Variants in C5 observed in about 807,000 individuals in gnomAD.
C5 encodes complement C5, also known as C3 and PZP-like alpha-2-macroglobulin domain-containing protein 4.
In C5, 140 loss-of-function variants were observed where a neutral mutation model predicts 218.8. The ratio of observed to expected loss-of-function variants is 0.64; its 90% CI spans 0.56 to 0.74. The LOEUF is 0.74. C5 is among the 30% of genes least tolerant of loss of function. The pLI is 0.00. For synonymous variants in C5, 614 were observed against 682.3 expected, an observed-to-expected ratio of 0.90 and a Z score of 1.56; for missense variants, 1,700 against 1,969.6, an observed-to-expected ratio of 0.86 and a Z score of 2.59.
intron 15 of C5, 40 bp downstream of exon 15, chr9:121,016,214 T>A: frequency 6.2e-7 from 1 of 1,612,678 alleles, no homozygotes; most frequent in Non-Finnish European, 8.5e-7. Flanking sequence ...GGGCAAATGA[T>A]CAATGGGATT....
At chr9:121,068,620 G>GA in the C5 span, among the ~76,000 whole-genome samples, 2 of 151,918 alleles carry the variant, frequency 1.3e-5, no homozygotes, top group Admixed American at 6.6e-5. Context: ...ACAGAAATAG[G>GA]AAAAAAATCT....
chr9:121,033,038 GTA>G (rs2047490765), intron 5 of C5, among the ~76,000 whole-genome samples: 1 of 150,964 alleles, frequency 6.6e-6, no homozygotes, highest in African/African-American at 2.4e-5. Flanking sequence ...GTGTGTGTGT[GTA>G]TGTATGTATA....
upstream of C5, among the ~76,000 whole-genome samples, chr9:121,052,181 G>C (rs142860253): frequency 1.4e-4 from 22 of 152,210 alleles, no homozygotes; most frequent in African/African-American, 5.1e-4. Context: ...TTGAGGCTGG[G>C]CACGCTGGCT....
upstream of C5, among the ~76,000 whole-genome samples, chr9:121,052,317 C>T (rs564769129): frequency 1.8e-4 from 27 of 151,916 alleles, no homozygotes; most frequent in African/African-American, 6.0e-4. Flanking sequence ...ATTAGCCAGG[C>T]GTGGTGGCGG....
intron 39 of C5, among the ~76,000 whole-genome samples, chr9:120,955,718 A>G (rs2046779499): frequency 1.3e-5 from 2 of 152,178 alleles, no homozygotes. Context: ...AAAAATTATC[A>G]AAGTGTTGAT....
intron 40 of C5, among the ~76,000 whole-genome samples, chr9:120,953,082 C>T (rs1323615340): frequency 6.6e-6 from 1 of 152,202 alleles, no homozygotes. Flanking sequence ...TGCCACCACG[C>T]CCGGCTATTT....
At chr9:120,993,059 TG>T (rs2047088569) in intron 22 of C5, among the ~76,000 whole-genome samples, 1 of 152,186 alleles carries the variant, frequency 6.6e-6, no homozygotes, top group African/African-American at 2.4e-5. Flanking sequence ...TATGAAGAAA[TG>T]CTTAAAATCA....
chr9:121,070,417 A>G, the C5 span, among the ~76,000 whole-genome samples: 235 of 128,534 alleles, frequency 1.8e-3, 2 homozygotes, highest in African/African-American at 6.7e-3. Flanking sequence ...ATATATATAT[A>G]TATATATATG....
the C5 span, among the ~76,000 whole-genome samples, chr9:121,070,234 C>T: frequency 4.6e-5 from 7 of 151,608 alleles, no homozygotes; most frequent in East Asian, 1.4e-3. Flanking sequence ...GCAGGCGCCT[C>T]TAATCCCAGC....
In C5 at chr9:120,952,816, T is replaced by C. The variant is rs1464412576; in HGVS notation, c.4954A>G (p.Thr1652Ala). ...LTWIEYWPRDTTCSSCQAFLA... is the reference protein window; with the variant it reads ...LTWIEYWPRDATCSSCQAFLA... The stretch of plus-strand genomic sequence containing the variant: ...AATGCTTGACACGATGAACATGTTG[T>C]GTCTCTAGGCCAGTATTCAATCCAG... Residue 1652 changes from threonine to alanine, a missense_variant, in exon 41 of 41, where the codon ACA becomes GCA. By Grantham distance (58) the Thr-to-Ala change is moderately conservative (BLOSUM62 0). Coordinates refer to ENST00000223642, the MANE Select transcript of C5 (RefSeq NM_001735.3). 6.2e-7 allele frequency: 1 copy of C among 1,613,946 alleles called. No individual in the cohort carries two copies. The highest frequency in any genetic ancestry group is 1.1e-5 in the South Asian group (1 of 91,080).
the C5 span, among the ~76,000 whole-genome samples, chr9:121,063,032 T>G: frequency 2.0e-5 from 3 of 152,102 alleles, no homozygotes; most frequent in African/African-American, 4.8e-5. Context: ...TTTGAAAATT[T>G]TGACCATTAG....
At position 120,953,784 on chromosome 9, in the gene C5, T is replaced by G; in HGVS notation, c.4847A>C (p.Gln1616Pro). The change falls in exon 40 of 41, where the codon CAG becomes CCG. Residue 1616 changes from glutamine to proline, a missense_variant. By Grantham distance (76) the Gln-to-Pro change is moderately conservative (BLOSUM62 -1). Transcript: ENST00000223642. Reference sequence around the variant, plus strand: ...GGCTTCTTTACCCATAATTAAGTACTGTCTTCCTTTTACCAGCTCAGCGTT... The same window carrying G: ...GGCTTCTTTACCCATAATTAAGTACGGTCTTCCTTTTACCAGCTCAGCGTT... ...CTNAELVKGR[Q>P]YLIMGKEALQ... The G allele has an allele frequency of 4.3e-6, 7 of 1,613,980 alleles. No homozygotes were observed. Among genetic ancestry groups the G allele is most frequent in the Non-Finnish European group, 5.9e-6 (7 of 1,179,798 alleles).
Position 121,018,754 on chromosome 9 carries a change from G to A in C5, c.1507-902C>T, listed in dbSNP as rs868346553. Among the ~76,000 whole-genome samples, 1,014 of 107,300 alleles carry A rather than the reference G, an allele frequency of 9.5e-3. 32 individuals are homozygous for A. Among genetic ancestry groups the A allele is most frequent in the African/African-American group, 0.032 (717 of 22,296 alleles). The allele number at this position is 107,300 out of a possible 152,430, so 70.4% of individuals were successfully genotyped here. ...GAAGGAAGGAAGGAAAGGAAGGAAGGAAGGAAGGAAGGAAGGAAGGAAGGA... is the reference window on the plus strand; with the variant it reads ...GAAGGAAGGAAGGAAAGGAAGGAAGAAAGGAAGGAAGGAAGGAAGGAAGGA... On this transcript the variant is annotated intron_variant, in intron 12 of 40. Coordinates refer to ENST00000223642, the MANE Select transcript of C5 (RefSeq NM_001735.3).
chr9:121,012,201 C>T (rs561786613), intron 17 of C5, among the ~76,000 whole-genome samples: 2 of 151,702 alleles, frequency 1.3e-5, no homozygotes, highest in South Asian at 4.2e-4. Context: ...TATTGCATTC[C>T]TGTATCAAAG....
At position 120,952,826 on chromosome 9, in the gene C5, C is replaced by A; in HGVS notation, c.4944G>T (p.Trp1648Cys). ...PLDSLTWIEY[W>C]PRDTTCSSCQ... ...ACGATGAACATGTTGTGTCTCTAGG[C>A]CAGTATTCAATCCAGGTCAAGGAAT... The change falls in exon 41 of 41, where the codon TGG (tryptophan) becomes TGT (cysteine). Residue 1648 changes from tryptophan (W) to cysteine (C), a missense_variant. Transcript: ENST00000223642. The A allele has an allele frequency of 1.9e-6, 3 of 1,613,822 alleles. No homozygotes were observed. Among genetic ancestry groups the A allele is most frequent in the Non-Finnish European group, 2.5e-6 (3 of 1,179,774 alleles).
At chr9:121,021,402 A>G in intron 11 of C5, 107 bp downstream of exon 11, 1 of 840,494 alleles carries the variant, frequency 1.2e-6, no homozygotes, top group Non-Finnish European at 2.0e-6. Flanking sequence ...GGAACTGTTC[A>G]CTGGACTCAT....
chr9:120,995,150 A>T (rs1480212368), intron 22 of C5, among the ~76,000 whole-genome samples: 1 of 151,976 alleles, frequency 6.6e-6, no homozygotes, highest in East Asian at 1.9e-4. Flanking sequence ...CTGAAATAAC[A>T]CTCCTCAGTT....
Position 120,953,726 on chromosome 9 carries a change from T to C in C5, c.4901+4A>G. The C allele has an allele frequency of 6.2e-7, 1 of 1,614,044 alleles. No individual in the cohort carries two copies. Among genetic ancestry groups the C allele is most frequent in the South Asian group, 1.1e-5 (1 of 91,084 alleles). ...TCAGTGACTGAAAAATATTGGTGAC[T>C]TACCTGAAACTGAAATTGTATTTTA... is the stretch of plus-strand genomic sequence containing the variant. On this transcript the variant is annotated splice_donor_region_variant and intron_variant, in intron 40 of 40. Transcript: ENST00000223642.
chr9:121,015,062 A>T (rs1242701360), intron 16 of C5, 137 bp downstream of exon 16: 2 of 641,222 alleles, frequency 3.1e-6, no homozygotes, highest in Non-Finnish European at 5.5e-6. Flanking sequence ...TCTGAGAGAG[A>T]TAAGCTAGAC....
Sources: gnomAD v4.1 joint callset for allele counts (sites outside exome capture counted in the v4.1 genomes callset) on GRCh38, gnomAD v4.1.1 for gene constraint, MANE v1.5 for transcripts, NCBI Gene and HGNC (gene_info 2026-07-23, HGNC 2026-07-21) for gene names.